Variants in SYNGR1 observed in about 807,000 individuals in gnomAD.
The protein encoded by SYNGR1 is synaptogyrin 1, also known as synaptogyrin-1.
In SYNGR1, 14 loss-of-function variants were observed where a neutral mutation model predicts 26.1. The observed-to-expected ratio is 0.54, with a 90% CI of 0.35 to 0.84. SYNGR1 has a LOEUF of 0.84. Ranked by LOEUF, SYNGR1 falls within the 40% of genes least tolerant of loss-of-function variation. SYNGR1 has a pLI of 0.01. For missense variants in SYNGR1, 319 were observed against 332.9 expected (o/e 0.96, Z 0.33); for synonymous variants, 141 against 150.1 (o/e 0.94, Z 0.44).
intron 1 of SYNGR1, among the ~76,000 whole-genome samples, chr22:39,372,749 G>C (rs376773425): frequency 6.6e-6 from 1 of 151,928 alleles, no homozygotes; most frequent in Non-Finnish European, 1.5e-5. Context: ...GATTACAGGC[G>C]TGAGCCACTG....
chr22:39,351,001 G>C (rs937698191), intron 1 of SYNGR1, among the ~76,000 whole-genome samples: 4 of 152,192 alleles, frequency 2.6e-5, no homozygotes, highest in African/African-American at 7.2e-5. Context: ...TCAGACGGGT[G>C]GTCAGGGAGA....
intron 1 of SYNGR1, among the ~76,000 whole-genome samples, chr22:39,357,972 C>CCGA (rs1924249533): frequency 6.6e-6 from 1 of 152,256 alleles, no homozygotes; most frequent in African/African-American, 2.4e-5. Flanking sequence ...CACCCAAGGG[C>CCGA]TGAGGAGTGC....
intron 1 of SYNGR1, among the ~76,000 whole-genome samples, chr22:39,355,057 C>T (rs1274987257): frequency 1.3e-5 from 2 of 152,162 alleles, no homozygotes; most frequent in Non-Finnish European, 2.9e-5. Flanking sequence ...TGCTCAGTGC[C>T]AGCTGAGTGC....
At chr22:39,364,943 G>C (rs1281365970) in intron 1 of SYNGR1, among the ~76,000 whole-genome samples, 1 of 152,156 alleles carries the variant, frequency 6.6e-6, no homozygotes, top group East Asian at 1.9e-4. Flanking sequence ...ACTCGGGATT[G>C]GATTTTAAAG....
At chr22:39,352,396 T>A (rs1189242230) in intron 1 of SYNGR1, among the ~76,000 whole-genome samples, 1 of 152,190 alleles carries the variant, frequency 6.6e-6, no homozygotes, top group Non-Finnish European at 1.5e-5. Flanking sequence ...AAATCACATG[T>A]GATGGTTGCA....
chr22:39,365,802 A>G (rs1331973202), intron 1 of SYNGR1, among the ~76,000 whole-genome samples: 2 of 148,148 alleles, frequency 1.3e-5, no homozygotes, highest in Non-Finnish European at 3.0e-5. Context: ...TTGAGCCTAA[A>G]CCCCACGACT....
At chr22:39,381,520 G>A (rs987128242) in intron 3 of SYNGR1, among the ~76,000 whole-genome samples, 176 bp from the exon 4 acceptor site, 1 of 152,150 alleles carries the variant, frequency 6.6e-6, no homozygotes, top group Non-Finnish European at 1.5e-5. Flanking sequence ...GTGGCTGCGA[G>A]AACAGCCTTC....
At chr22:39,381,139 A>G (rs12159173) in intron 3 of SYNGR1, among the ~76,000 whole-genome samples, 1,860 of 151,986 alleles carry the variant, frequency 0.012, 48 homozygotes, top group African/African-American at 0.043. Context: ...ATTCCTACAG[A>G]CTTGGCTCAT....
chr22:39,377,465 T>G (rs1601666913), intron 3 of SYNGR1: 1 of 1,525,196 alleles, frequency 6.6e-7, no homozygotes, highest in Non-Finnish European at 8.8e-7. Flanking sequence ...CACAGAGGAG[T>G]AGTGGATGAT....
intron 1 of SYNGR1, among the ~76,000 whole-genome samples, chr22:39,367,596 G>A (rs904905256): frequency 2.6e-5 from 4 of 152,102 alleles, no homozygotes; most frequent in African/African-American, 9.7e-5. Context: ...GCCGAGGCGG[G>A]CAAATCACCT....
chr22:39,378,311 C>T, intron 3 of SYNGR1: 1 of 962,690 alleles, frequency 1.0e-6, no homozygotes, highest in Non-Finnish European at 1.2e-6. Context: ...GCTGTTGTGC[C>T]AATGAAACAA....
At chr22:39,374,621 G>A (rs1238009120) in intron 2 of SYNGR1, 68 bp downstream of exon 2, 3 of 1,516,846 alleles carry the variant, frequency 2.0e-6, no homozygotes, top group South Asian at 2.3e-5. Context: ...ATAGGAGGCG[G>A]CTGCCACCCT....
intron 1 of SYNGR1, among the ~76,000 whole-genome samples, chr22:39,370,662 G>A (rs1200699864): frequency 3.4e-5 from 5 of 148,368 alleles, no homozygotes; most frequent in Admixed American, 2.7e-4. Flanking sequence ...CCGCTCTGTC[G>A]GCTGGAGTGC....
chr22:39,355,142 G>A (rs897435547), intron 1 of SYNGR1, among the ~76,000 whole-genome samples: 5 of 152,260 alleles, frequency 3.3e-5, no homozygotes, highest in East Asian at 1.9e-4. Flanking sequence ...CCAGAGGCTC[G>A]GGTCACTACA....
intron 3 of SYNGR1, chr22:39,378,264 C>A: frequency 1.0e-6 from 1 of 995,560 alleles, no homozygotes; most frequent in Non-Finnish European, 1.2e-6. Flanking sequence ...AGTCCACTTA[C>A]CTGAACTGAG....
At chr22:39,378,560 A>G (rs1453464275) in intron 3 of SYNGR1, among the ~76,000 whole-genome samples, 2 of 151,634 alleles carry the variant, frequency 1.3e-5, no homozygotes, top group Non-Finnish European at 2.9e-5. Context: ...CCATTCCTCC[A>G]CTCTCTGCTG....
chr22:39,351,748 C>A (rs773819870), intron 1 of SYNGR1, among the ~76,000 whole-genome samples: 1 of 152,216 alleles, frequency 6.6e-6, no homozygotes, highest in Non-Finnish European at 1.5e-5. Flanking sequence ...GGGAAGGCAG[C>A]GTGACTCAGA....
At position 39,381,760 on chromosome 22, in the gene SYNGR1, A is replaced by C; in HGVS notation, c.548A>C (p.Gln183Pro). 1.2e-6 allele frequency: 2 copies of C among 1,613,090 alleles called. No homozygotes were observed. The highest frequency in any genetic ancestry group is 1.7e-6 in the Non-Finnish European group (2 of 1,179,904). The change falls in exon 4 of 4, where the codon CAG becomes CCG. Residue 183 changes from glutamine (Q) to proline (P), a missense_variant. Transcript: ENST00000328933. ...GGCGCCGACTCGGCCCTCTTCTCCC[A>C]GGACTACATGGACCCCAGCCAGGAC... ...QIGADSALFS[Q>P]DYMDPSQDSS...
At chr22:39,367,244 T>G (rs1924803189) in intron 1 of SYNGR1, among the ~76,000 whole-genome samples, 1 of 152,242 alleles carries the variant, frequency 6.6e-6, no homozygotes, top group Admixed American at 6.5e-5. Flanking sequence ...CAGGAAATGT[T>G]GAGTGAACGA....
Sources: allele counts gnomAD v4.1 joint callset (sites outside exome capture counted in the v4.1 genomes callset), GRCh38; gene constraint gnomAD v4.1.1; transcripts MANE v1.5; gene names NCBI Gene and HGNC (gene_info 2026-07-23, HGNC 2026-07-21).